Variants in PRKCB observed in about 807,000 individuals in gnomAD.
PRKCB encodes the protein protein kinase C beta type.
PRKCB carries 13 observed loss-of-function variants against 81.5 expected under a neutral mutation model. That is an observed-to-expected ratio of 0.16 (90% confidence interval 0.10 to 0.25). The LOEUF (loss-of-function observed/expected upper bound fraction) is 0.25. Among genes scored for constraint, PRKCB ranks in the 10% least tolerant of loss-of-function variants. The pLI, the probability that PRKCB is intolerant of heterozygous loss-of-function variation, is 1.00. For missense variants in PRKCB, 509 were observed against 875.7 expected, an observed-to-expected ratio of 0.58 and a Z score of 5.29; for synonymous variants, 335 against 321.4, an observed-to-expected ratio of 1.04 and a Z score of -0.45.
intron 9 of PRKCB, among the ~76,000 whole-genome samples, chr16:24,140,936 C>T (rs1966892804): frequency 1.3e-5 from 2 of 152,122 alleles, no homozygotes; most frequent in Admixed American, 6.5e-5. Context: ...TTAGCTTGGC[C>T]CAAGTCCAGA....
At chr16:24,041,764 G>A (rs376941579) in intron 5 of PRKCB, among the ~76,000 whole-genome samples, 5 of 151,928 alleles carry the variant, frequency 3.3e-5, no homozygotes, top group East Asian at 3.9e-4. Flanking sequence ...AGGCTGAGGC[G>A]GCTGTATCAC....
At position 24,213,915 on chromosome 16, in the gene PRKCB, A is replaced by G. The variant is rs930996741; in HGVS notation, c.1864-743A>G. 3.3e-5 allele frequency among the ~76,000 whole-genome samples: 5 copies of G among 152,144 alleles called. 1 individual carries two copies. Among genetic ancestry groups the G allele is most frequent in the South Asian group, 4.1e-4 (2 of 4,830 alleles). ...AAATGGCAATGGTTTTCTCTCTAGA[A>G]CCTGATTGCTTCACCAAACAATGGT... On this transcript the variant is annotated intron_variant, in intron 16 of 16. Transcript: ENST00000643927.
intron 9 of PRKCB, among the ~76,000 whole-genome samples, chr16:24,127,542 C>T (rs908020868): frequency 1.1e-4 from 16 of 151,684 alleles, no homozygotes; most frequent in African/African-American, 3.4e-4. Flanking sequence ...ATGTACTACG[C>T]CTGTTTTTGA....
At chr16:23,995,968 G>T (rs951909459) in intron 3 of PRKCB, among the ~76,000 whole-genome samples, 3 of 152,148 alleles carry the variant, frequency 2.0e-5, no homozygotes, top group Non-Finnish European at 4.4e-5. Flanking sequence ...AATCTTCTCG[G>T]TGGGCAGAAC....
At chr16:23,902,789 C>CTT (rs1963502103) in intron 2 of PRKCB, among the ~76,000 whole-genome samples, 1 of 98,736 alleles carries the variant, frequency 1.0e-5, no homozygotes, top group African/African-American at 4.3e-5. Context: ...TTCCTCCCTC[C>CTT]CTCCCTCCCT....
intron 3 of PRKCB, among the ~76,000 whole-genome samples, chr16:24,025,143 T>A (rs1181962774): frequency 1.3e-5 from 2 of 152,236 alleles, no homozygotes; most frequent in African/African-American, 4.8e-5. Flanking sequence ...CTGTCTCTCA[T>A]CTGGCTCTAA....
intron 3 of PRKCB, among the ~76,000 whole-genome samples, chr16:24,021,028 CTTTCTTTCTTT>C (rs1965364221): frequency 1.4e-5 from 2 of 140,416 alleles, no homozygotes; most frequent in South Asian, 2.3e-4. Flanking sequence ...TTCTTTCTTT[CTTTCTTTCTTT>C]CTCTTTCTTT....
chr16:23,906,658 A>C (rs2141728395), intron 2 of PRKCB, among the ~76,000 whole-genome samples: 1 of 152,116 alleles, frequency 6.6e-6, no homozygotes, highest in African/African-American at 2.4e-5. Context: ...TTTGCATTTA[A>C]ATCTTTAATC....
chr16:24,021,265 T>C (rs2141846143), intron 3 of PRKCB, among the ~76,000 whole-genome samples: 8 of 128,600 alleles, frequency 6.2e-5, no homozygotes, highest in South Asian at 3.0e-4. Context: ...TTTCTTCCTT[T>C]CTTTTTCTTT....
At position 24,109,130 on chromosome 16, in the gene PRKCB, C is replaced by A. The variant is rs1314161515; in HGVS notation, c.822-3843C>A. Among the ~76,000 whole-genome samples the A allele has an allele frequency of 4.3e-5, 6 of 138,910 alleles. No individual in the cohort carries two copies. The South Asian group carries it at 1.1e-3, about 26-fold the overall frequency. 91.1% of individuals were successfully genotyped at this position (138,910 alleles called of 152,430 possible). On this transcript the variant is annotated intron_variant, in intron 7 of 16. Coordinates refer to ENST00000643927, the MANE Select transcript of PRKCB (RefSeq NM_002738.7). ...CCGGGCAGAGGCGCCCCTCACCTCC[C>A]GGACGGGGCGGCTGGCCGGGCGGGG...
Position 23,977,668 on chromosome 16 carries a change from ATGAAGTACAGTGG to A in PRKCB, c.206-10836_206-10824del, listed in dbSNP as rs554603385. ...CTGGAAAGAACGGTTCTCTCCAGTG[ATGAAGTACAGTGG>A]TGATTCTCAACTGTATACTCGTTTG... On this transcript the variant is annotated intron_variant, in intron 2 of 16. Coordinates refer to ENST00000643927, the MANE Select transcript of PRKCB (RefSeq NM_002738.7). Among the ~76,000 whole-genome samples the A allele has an allele frequency of 3.2e-4, 49 of 152,350 alleles. No individual in the cohort carries two copies. In the South Asian group the frequency reaches 6.0e-3, roughly 19 times the overall value.
intron 5 of PRKCB, among the ~76,000 whole-genome samples, chr16:24,079,185 A>G (rs1402110523): frequency 6.6e-6 from 1 of 152,162 alleles, no homozygotes. Flanking sequence ...CCAAACCTAT[A>G]AGAACTAATG....
At chr16:24,056,256 G>A (rs1422426821) in intron 5 of PRKCB, among the ~76,000 whole-genome samples, 1 of 152,156 alleles carries the variant, frequency 6.6e-6, no homozygotes, top group African/African-American at 2.4e-5. Context: ...ATACCTCCTG[G>A]CATCAGACTG....
At chr16:24,154,944 G>T in intron 10 of PRKCB, 87 bp downstream of exon 10, 1 of 1,429,640 alleles carries the variant, frequency 7.0e-7, no homozygotes, top group Non-Finnish European at 9.5e-7. Flanking sequence ...CCAGCACAGA[G>T]ATACCTGCAC....
At chr16:24,123,092 C>T (rs1004314609) in intron 8 of PRKCB, among the ~76,000 whole-genome samples, 1 of 152,208 alleles carries the variant, frequency 6.6e-6, no homozygotes, top group Non-Finnish European at 1.5e-5. Flanking sequence ...AGGCAGTTAT[C>T]CTCCAGTATT....
chr16:23,887,523 T>G (rs1459432333), intron 2 of PRKCB, among the ~76,000 whole-genome samples: 2 of 152,038 alleles, frequency 1.3e-5, no homozygotes, highest in African/African-American at 4.8e-5. Flanking sequence ...GCAAAGGACA[T>G]GATTTCATTT....
chr16:24,134,291 C>T (rs754303272), intron 9 of PRKCB, among the ~76,000 whole-genome samples: 151 of 152,174 alleles, frequency 9.9e-4, no homozygotes, highest in Admixed American at 2.0e-3. Context: ...AGTTACAAAA[C>T]GATTACAAGA....
At chr16:24,155,215 T>C (rs1967138664) in intron 10 of PRKCB, among the ~76,000 whole-genome samples, 1 of 152,148 alleles carries the variant, frequency 6.6e-6, no homozygotes, top group South Asian at 2.1e-4. Context: ...TTTGGATAAA[T>C]GCACAAGTAC....
intron 5 of PRKCB, among the ~76,000 whole-genome samples, chr16:24,065,354 AGTC>A (rs1177557304): frequency 1.3e-5 from 2 of 151,812 alleles, no homozygotes; most frequent in African/African-American, 2.4e-5. Context: ...TTAACTAATT[AGTC>A]ATGTATTGTT....
Sources: gnomAD v4.1 joint callset for allele counts (sites outside exome capture counted in the v4.1 genomes callset) on GRCh38, gnomAD v4.1.1 for gene constraint, MANE v1.5 for transcripts, NCBI Gene and HGNC (gene_info 2026-07-23, HGNC 2026-07-21) for gene names.